Variants in ZNF510 observed in about 807,000 individuals in gnomAD.
The protein encoded by ZNF510 is zinc finger protein 510.
In ZNF510, 15 loss-of-function variants were observed where a neutral mutation model predicts 18.1. The observed-to-expected ratio is 0.83, with a 90% CI of 0.55 to 1.28. The LOEUF (loss-of-function observed/expected upper bound fraction) is 1.28, where lower values mean the gene tolerates loss of function less well. Among genes scored for constraint, ZNF510 ranks in the 50% most tolerant of loss-of-function variants. The probability of loss-of-function intolerance (pLI) is 0.00; values close to 1 mark genes in which losing one functional copy is unlikely to be tolerated. For synonymous variants in ZNF510, 261 were observed against 266.4 expected (o/e 0.98, Z 0.20); for missense variants, 724 against 791.8 (o/e 0.91, Z 1.03).
intron 3 of ZNF510, among the ~76,000 whole-genome samples, chr9:96,766,699 T>C (rs1247099107): frequency 1.3e-5 from 2 of 152,118 alleles, no homozygotes; most frequent in Non-Finnish European, 2.9e-5. Context: ...TCATACAGCG[T>C]AGCTTTAGAT....
chr9:96,774,746 C>G (rs767304481), intron 3 of ZNF510, 42 bp downstream of exon 3: 1 of 1,546,774 alleles, frequency 6.5e-7, no homozygotes, highest in Admixed American at 1.7e-5. Flanking sequence ...CCTTAAACAC[C>G]TATGAAATCC....
At chr9:96,766,247 C>G (rs1428036859) in intron 3 of ZNF510, among the ~76,000 whole-genome samples, 1 of 149,904 alleles carries the variant, frequency 6.7e-6, no homozygotes, top group Non-Finnish European at 1.5e-5. Flanking sequence ...CTCCCAGTAA[C>G]TCATAGAAAA....
At position 96,758,851 on chromosome 9, in the gene ZNF510, T is replaced by A; in HGVS notation, c.1979A>T (p.Glu660Val). Residue 660 changes from glutamate (E) to valine (V), a missense_variant, in exon 6 of 6, where the codon GAA becomes GTA. Coordinates refer to ENST00000223428, the MANE Select transcript of ZNF510 (RefSeq NM_014930.3). ...AGACTTCTTACATAATTTCCCATAT[T>A]CATTGCATTCATAAGATTTCTCCCC... ...HSGEKSYECNEYGKLCKKSTL... is the reference protein window; with the variant it reads ...HSGEKSYECNVYGKLCKKSTL... 1.2e-6 allele frequency: 2 copies of A among 1,613,936 alleles called. No homozygotes were observed. The highest frequency in any genetic ancestry group is 1.7e-6 in the Non-Finnish European group (2 of 1,179,896).
At position 96,759,539 on chromosome 9, in the gene ZNF510, G is replaced by T. The variant is rs144465346; in HGVS notation, c.1291C>A (p.Pro431Thr). ...TTTCCACATTCACTACATTCAAATG[G>T]TTTCTCTCCTGTGTGAGTTCTCTGA... ...QHQRTHTGEK[P>T]FECSECGKTF... Residue 431 changes from proline (P) to threonine (T), a missense_variant, in exon 6 of 6, where the codon CCA (proline) becomes ACA (threonine). Physicochemically the swap from Pro to Thr is conservative, Grantham distance 38. Transcript: ENST00000223428. The T allele has an allele frequency of 8.7e-6, 14 of 1,613,818 alleles. No individual in the cohort carries two copies. The highest frequency in any genetic ancestry group is 1.3e-5 in the African/African-American group (1 of 74,860).
chr9:96,763,104 G>A lies in ZNF510; in HGVS notation c.352+14C>T. The A allele has an allele frequency of 1.2e-6, 2 of 1,610,256 alleles. No homozygotes were observed. The highest frequency in any genetic ancestry group is 1.7e-6 in the Non-Finnish European group (2 of 1,176,578). On this transcript the variant is annotated intron_variant, in intron 5 of 5. Transcript: ENST00000223428. Reference sequence around the variant, plus strand: ...CTCCTGCAGAATTATGTCTACTACTGCTCAGTAACTCACTTGGGTGACTCT... The same window carrying A: ...CTCCTGCAGAATTATGTCTACTACTACTCAGTAACTCACTTGGGTGACTCT...
intron 1 of ZNF510, chr9:96,777,500 C>T (rs540795979): frequency 3.3e-5 from 5 of 152,336 alleles, no homozygotes; most frequent in East Asian, 3.9e-4. Flanking sequence ...AACAAAGTGT[C>T]TTCCAAATAT....
chr9:96,765,338 G>A (rs10217440), intron 3 of ZNF510, among the ~76,000 whole-genome samples: 7,462 of 152,088 alleles, frequency 0.049, 590 homozygotes, highest in African/African-American at 0.17. Flanking sequence ...AGTCATTTGT[G>A]GACATGTACA....
chr9:96,773,593 T>G (rs1849627844), intron 3 of ZNF510, among the ~76,000 whole-genome samples: 1 of 151,742 alleles, frequency 6.6e-6, no homozygotes, highest in Non-Finnish European at 1.5e-5. Flanking sequence ...TTTTTTTTTT[T>G]GAGATGGAGT....
Position 96,763,363 on chromosome 9 carries a change from C to T in ZNF510, c.256+143G>A, listed in dbSNP as rs557427016. Reference sequence around the variant, plus strand: ...TTGACAACACATTCTTTCTAGTCCTCGACAGGGCATAGTTACTTTGGAATC... The same window carrying T: ...TTGACAACACATTCTTTCTAGTCCTTGACAGGGCATAGTTACTTTGGAATC... On this transcript the variant is annotated intron_variant, in intron 4 of 5. Coordinates refer to ENST00000223428, the MANE Select transcript of ZNF510 (RefSeq NM_014930.3). 1.5e-4 allele frequency: 191 copies of T among 1,291,046 alleles called. No individual in the cohort carries two copies. In the Middle Eastern group the frequency reaches 2.1e-3, roughly 14 times the overall value. 80.0% of individuals were successfully genotyped at this position (1,291,046 alleles called of 1,614,324 possible).
Position 96,756,022 on chromosome 9 carries a change from G to A in ZNF510, c.*2756C>T, listed in dbSNP as rs1588123222. ...CACAATCTGGATGGAGAAAGCTGTC[G>A]GCAGCTTGATTCCAGTCAGTCTTAT... On this transcript the variant is annotated 3_prime_UTR_variant, in exon 6 of 6. Coordinates refer to ENST00000223428, the MANE Select transcript of ZNF510 (RefSeq NM_014930.3). 1 of 152,048 alleles carries A rather than the reference G, an allele frequency of 6.6e-6. No individual in the cohort carries two copies. Among genetic ancestry groups the A allele is most frequent in the Non-Finnish European group, 1.5e-5 (1 of 68,016 alleles). 9.4% of individuals were successfully genotyped at this position (152,048 alleles called of 1,614,324 possible). A position where few individuals can be genotyped will look rare whatever the true frequency, so the allele number is the denominator to read the frequency against.
chr9:96,777,424 C>A (rs961635512), intron 1 of ZNF510, among the ~76,000 whole-genome samples: 5 of 152,100 alleles, frequency 3.3e-5, no homozygotes, highest in Non-Finnish European at 4.4e-5. Context: ...TTTCACTCCT[C>A]CTTCTTCATT....
chr9:96,760,522 T>C (rs1240355555), intron 5 of ZNF510, 45 bp from the exon 6 acceptor site: 2 of 1,513,946 alleles, frequency 1.3e-6, no homozygotes, highest in Non-Finnish European at 1.8e-6. Flanking sequence ...TTACATCTTC[T>C]GTGGGTAGAG....
rs549741177 is a variant in ZNF510 at position 96,759,492 on chromosome 9, G to A, written c.1338C>T (p.His446=). 1.2e-6 allele frequency: 2 copies of A among 1,614,020 alleles called. No homozygotes were observed. Among genetic ancestry groups the A allele is most frequent in the South Asian group, 1.1e-5 (1 of 91,076 alleles). ...ECGKTFSQKS[H]LSTHQRIHTA... The stretch of plus-strand genomic sequence containing the variant: ...TATGAATTCTCTGATGAGTACTGAG[G>A]TGTGACTTCTGGGAGAAAGTTTTTC... The change falls in exon 6 of 6, where the codon CAC becomes CAT. Residue 446 remains histidine, a synonymous_variant. Transcript: ENST00000223428.
rs924288115 is a variant in ZNF510, at chr9:96,763,541, A to G, written c.221T>C (p.Val74Ala). ...APVQKNLYRD[V>A]MLENYSNLVS... ...GAGGTTGCTGTAGTTCTCCAGCATCACATCTCTGTACAGATTCTTCTGAAC... is the reference window on the plus strand; with the variant it reads ...GAGGTTGCTGTAGTTCTCCAGCATCGCATCTCTGTACAGATTCTTCTGAAC... Residue 74 changes from valine to alanine, a missense_variant, in exon 4 of 6, where the codon GTG becomes GCG. Val to Ala is a moderately conservative substitution (Grantham distance 64). Transcript: ENST00000223428. 3.4e-5 allele frequency: 54 copies of G among 1,611,116 alleles called. No homozygotes were observed. Among genetic ancestry groups the G allele is most frequent in the Non-Finnish European group, 4.5e-5 (53 of 1,179,064 alleles).
chr9:96,765,415 T>C (rs1188427290), intron 3 of ZNF510, among the ~76,000 whole-genome samples: 1 of 151,734 alleles, frequency 6.6e-6, no homozygotes, highest in Non-Finnish European at 1.5e-5. Flanking sequence ...GGTGATCTGC[T>C]TTCTTGTTTC....
At chr9:96,774,210 T>C (rs991593585) in intron 3 of ZNF510, among the ~76,000 whole-genome samples, 1 of 152,134 alleles carries the variant, frequency 6.6e-6, no homozygotes, top group African/African-American at 2.4e-5. Flanking sequence ...CCTTTTAAAC[T>C]CTCCACCTCT....
Position 96,759,208 on chromosome 9 carries a change from T to A in ZNF510, c.1622A>T (p.Glu541Val). The change falls in exon 6 of 6, where the codon GAG (glutamate) becomes GTG (valine). Residue 541 changes from glutamate (E) to valine (V), a missense_variant. Coordinates refer to ENST00000223428, the MANE Select transcript of ZNF510 (RefSeq NM_014930.3). ...LRIHQRTHTG[E>V]KTYQCNECEK... ...ACATTCATTACACTGGTAAGTTTTC[T>A]CCCCAGTGTGAGTTCTCTGATGTAT... The A allele has an allele frequency of 1.2e-6, 2 of 1,614,092 alleles. No individual in the cohort carries two copies. Among genetic ancestry groups the A allele is most frequent in the Non-Finnish European group, 1.7e-6 (2 of 1,180,000 alleles).
At chr9:96,763,675 AGAT>A in intron 3 of ZNF510, 43 bp from the exon 4 acceptor site, 1 of 1,517,184 alleles carries the variant, frequency 6.6e-7, no homozygotes. Flanking sequence ...GTTCAGAATT[AGAT>A]GATGTAGAAA....
chr9:96,771,548 C>T (rs1356025754), intron 3 of ZNF510, among the ~76,000 whole-genome samples: 1 of 151,800 alleles, frequency 6.6e-6, no homozygotes, highest in Admixed American at 6.6e-5. Flanking sequence ...ATACTGAGTA[C>T]CCCTCAGGTG....
Sources: gnomAD v4.1 joint callset for allele counts (sites outside exome capture counted in the v4.1 genomes callset) on GRCh38, gnomAD v4.1.1 for gene constraint, MANE v1.5 for transcripts, NCBI Gene and HGNC (gene_info 2026-07-23, HGNC 2026-07-21) for gene names.